The following EPB41L4A variants were observed in gnomAD, a reference collection of about 807,000 sequenced individuals.
EPB41L4A encodes erythrocyte membrane protein band 4.1 like 4A.
A neutral mutation model predicts 108.6 loss-of-function variants in EPB41L4A; 100 were observed. The observed-to-expected ratio is 0.92, with a 90% confidence interval of 0.78 to 1.09. The LOEUF is 1.09. Ranked by LOEUF, EPB41L4A falls within the 50% of genes least tolerant of loss-of-function variation. EPB41L4A has a pLI of 0.00. For synonymous variants in EPB41L4A, 319 were observed against 289.0 expected (o/e 1.10, Z -1.05); for missense variants, 1,030 against 842.7 (o/e 1.22, Z -2.75).
At chr5:112,350,200 T>C (rs1384823325) in intron 1 of EPB41L4A, among the ~76,000 whole-genome samples, 1 of 152,216 alleles carries the variant, frequency 6.6e-6, no homozygotes, top group African/African-American at 2.4e-5. Flanking sequence ...GAAGCTACCA[T>C]GCTAAATAGT....
At chr5:112,365,836 T>G (rs1023763622) in intron 1 of EPB41L4A, among the ~76,000 whole-genome samples, 1 of 152,196 alleles carries the variant, frequency 6.6e-6, no homozygotes, top group Non-Finnish European at 1.5e-5. Flanking sequence ...GCCCCTCAAT[T>G]TGAGTTTGTC....
chr5:112,216,281 C>T (rs1337222189), intron 12 of EPB41L4A, among the ~76,000 whole-genome samples: 1 of 152,142 alleles, frequency 6.6e-6, no homozygotes, highest in African/African-American at 2.4e-5. Context: ...AAATACTTTG[C>T]AATTAAATAG....
intron 18 of EPB41L4A, among the ~76,000 whole-genome samples, chr5:112,182,747 A>G (rs1000299966): frequency 6.6e-6 from 1 of 152,294 alleles, no homozygotes; most frequent in East Asian, 1.9e-4. Context: ...CCTTTTGGGT[A>G]AAGTCCTTCA....
chr5:112,237,812 G>C (rs909054440), intron 11 of EPB41L4A, among the ~76,000 whole-genome samples: 2 of 152,142 alleles, frequency 1.3e-5, no homozygotes, highest in Non-Finnish European at 2.9e-5. Flanking sequence ...TCCAAGGATG[G>C]TGTAATGTTA....
At chr5:112,188,612 A>G (rs921567892) in intron 17 of EPB41L4A, among the ~76,000 whole-genome samples, 4 of 152,096 alleles carry the variant, frequency 2.6e-5, no homozygotes, top group African/African-American at 9.7e-5. Flanking sequence ...GATATATCCT[A>G]TTAAAGTAGA....
At chr5:112,374,300 ATCT>A (rs1213591285) in intron 1 of EPB41L4A, among the ~76,000 whole-genome samples, 1 of 152,218 alleles carries the variant, frequency 6.6e-6, no homozygotes, top group Non-Finnish European at 1.5e-5. Context: ...TCCTGGATTA[ATCT>A]TCTAAGAATG....
intron 17 of EPB41L4A, chr5:112,191,929 C>T (rs773850521): frequency 2.0e-5 from 3 of 152,270 alleles, no homozygotes; most frequent in Non-Finnish European, 2.9e-5. Flanking sequence ...CAACCTGGGG[C>T]TGAGTTTAGA....
At chr5:112,403,601 T>A (rs768362423) in intron 1 of EPB41L4A, among the ~76,000 whole-genome samples, 1 of 152,142 alleles carries the variant, frequency 6.6e-6, no homozygotes, top group Non-Finnish European at 1.5e-5. Flanking sequence ...ACAGAGTAGC[T>A]AGGACTACAG....
chr5:112,239,860 C>A lies in EPB41L4A; in HGVS notation c.888-123G>T, dbSNP rs562088889. 35 of 519,376 alleles carry A rather than the reference C, an allele frequency of 6.7e-5. 1 individual carries two copies. In the South Asian group the frequency reaches 1.1e-3, roughly 17 times the overall value. The allele number at this position is 519,376 out of a possible 1,614,324, so 32.2% of individuals were successfully genotyped here. On this transcript the variant is annotated intron_variant, in intron 10 of 22. Coordinates refer to ENST00000261486, the MANE Select transcript of EPB41L4A (RefSeq NM_022140.5). ...CCACTTTATAAGAATACTTCTCCAACATCATGCAATTCATACTCCATGAGG... is the reference window on the plus strand; with the variant it reads ...CCACTTTATAAGAATACTTCTCCAAAATCATGCAATTCATACTCCATGAGG...
rs1330816732 is a variant in EPB41L4A at position 112,419,028 on chromosome 5, G to T, written c.12C>A (p.Phe4Leu). The change falls in exon 1 of 23, where the codon TTC becomes TTA. Residue 4 changes from phenylalanine to leucine, a missense_variant. Coordinates refer to ENST00000261486, the MANE Select transcript of EPB41L4A (RefSeq NM_022140.5). ...AGTAAAATTCTTCCGGAACAGCGCA[G>T]AAACAGCCCATGTCGGTTGTGGTCG... MGC[F>L]CAVPEEFYCE... 12 of 1,613,356 alleles carry T rather than the reference G, an allele frequency of 7.4e-6. No individual in the cohort carries two copies. The highest frequency in any genetic ancestry group is 9.3e-6 in the Non-Finnish European group (11 of 1,179,608).
At chr5:112,248,040 T>C (rs1047174356) in intron 9 of EPB41L4A, among the ~76,000 whole-genome samples, 2 of 152,232 alleles carry the variant, frequency 1.3e-5, no homozygotes, top group African/African-American at 4.8e-5. Flanking sequence ...TTCCTAATTA[T>C]TTCTGCCAAG....
chr5:112,185,171 C>T (rs528773676), intron 17 of EPB41L4A, among the ~76,000 whole-genome samples: 1 of 150,396 alleles, frequency 6.6e-6, no homozygotes, highest in Non-Finnish European at 1.5e-5. Context: ...CTTCAGAAAA[C>T]TGCTCCAGAG....
In EPB41L4A at chr5:112,246,174, A is replaced by T. The variant is rs113742351; in HGVS notation, c.796-5364T>A. Among the ~76,000 whole-genome samples the T allele has an allele frequency of 1.5e-3, 232 of 151,752 alleles. 6 individuals are homozygous for T. In the South Asian group the frequency reaches 0.046, roughly 30 times the overall value. The stretch of plus-strand genomic sequence containing the variant: ...AGAAGATAGGAGCCCTTAGGGAGAA[A>T]TTTTTTTTTCTTTTAGTTTTCTTTT... On this transcript the variant is annotated intron_variant, in intron 9 of 22. Coordinates refer to ENST00000261486, the MANE Select transcript of EPB41L4A (RefSeq NM_022140.5).
intron 20 of EPB41L4A, among the ~76,000 whole-genome samples, chr5:112,169,534 T>G (rs545179971): frequency 1.4e-3 from 217 of 152,262 alleles, no homozygotes; most frequent in African/African-American, 5.0e-3. Context: ...AAAGTAGATC[T>G]TAAGTGTTCT....
chr5:112,344,089 T>C (rs1377436850), intron 1 of EPB41L4A, among the ~76,000 whole-genome samples: 1 of 152,138 alleles, frequency 6.6e-6, no homozygotes, highest in Non-Finnish European at 1.5e-5. Flanking sequence ...GATTTGATAT[T>C]TGATAATATT....
intron 1 of EPB41L4A, among the ~76,000 whole-genome samples, chr5:112,312,212 T>C (rs955057073): frequency 2.0e-5 from 3 of 152,136 alleles, no homozygotes; most frequent in African/African-American, 7.2e-5. Context: ...GTTTACAAAG[T>C]ATACAGAAAC....
chr5:112,264,734 G>A lies in EPB41L4A; in HGVS notation c.554+162C>T, dbSNP rs180721415. 1.2e-4 allele frequency: 72 copies of A among 612,158 alleles called. No individual in the cohort carries two copies. In the East Asian group the frequency reaches 1.2e-3, roughly 10 times the overall value. 37.9% of individuals were successfully genotyped at this position (612,158 alleles called of 1,614,324 possible). On this transcript the variant is annotated intron_variant, in intron 6 of 22. Transcript: ENST00000261486. ...CACTTTTTAAATTACTGAAGTTTTC[G>A]ATGAGCATTTTAGAGTTAAAATCAG...
intron 1 of EPB41L4A, among the ~76,000 whole-genome samples, chr5:112,324,069 C>CA (rs1464993510): frequency 1.3e-5 from 2 of 152,070 alleles, no homozygotes; most frequent in Admixed American, 6.5e-5. Context: ...CTCTAATAGA[C>CA]AGAGTTCTAA....
intron 15 of EPB41L4A, among the ~76,000 whole-genome samples, chr5:112,203,840 G>A (rs529364729): frequency 6.6e-5 from 10 of 151,986 alleles, no homozygotes; most frequent in African/African-American, 1.9e-4. Flanking sequence ...TTGGGAGTTC[G>A]AGACCAGCCT....
Sources: gnomAD v4.1 joint callset for allele counts (sites outside exome capture counted in the v4.1 genomes callset) on GRCh38, gnomAD v4.1.1 for gene constraint, MANE v1.5 for transcripts, NCBI Gene and HGNC (gene_info 2026-07-23, HGNC 2026-07-21) for gene names.